Variants in CCDC14 observed in about 807,000 individuals in gnomAD.
CCDC14 encodes the protein coiled-coil domain-containing protein 14.
A neutral mutation model predicts 81.4 loss-of-function variants in CCDC14; 71 were observed. That is an observed-to-expected ratio of 0.87 (90% CI 0.72 to 1.06). CCDC14 has a LOEUF of 1.06. CCDC14 is among the 50% of genes least tolerant of loss of function. The pLI is 0.00. For synonymous variants in CCDC14, 332 were observed against 364.8 expected (o/e 0.91, Z 1.03); for missense variants, 1,046 against 1,047.3 (o/e 1.00, Z 0.02).
At chr3:123,938,113 T>C (rs1483460524) in intron 9 of CCDC14, among the ~76,000 whole-genome samples, 4 of 151,848 alleles carry the variant, frequency 2.6e-5, no homozygotes, top group African/African-American at 9.7e-5. Context: ...TTGGGTACTT[T>C]AGAGTCTTCA....
At chr3:123,896,671 TA>T, downstream of CCDC14, among the ~76,000 whole-genome samples, 1 of 152,178 alleles carries the variant, frequency 6.6e-6, no homozygotes, top group Middle Eastern at 3.4e-3. Context: ...AAATCTTTTT[TA>T]AAAAAGATCA....
intron 11 of CCDC14, 30 bp from the exon 12 acceptor site, chr3:123,931,264 T>A: frequency 1.3e-6 from 2 of 1,588,342 alleles, no homozygotes; most frequent in Middle Eastern, 3.4e-4. Flanking sequence ...AGTTTCCTTA[T>A]TCCTTTTAAA....
chr3:123,891,594 A>G, the CCDC14 span, among the ~76,000 whole-genome samples: 5 of 152,226 alleles, frequency 3.3e-5, no homozygotes, highest in Non-Finnish European at 5.9e-5. Flanking sequence ...TCCAGTTCCC[A>G]ACAAGTTCCT....
At position 123,956,386 on chromosome 3, in the gene CCDC14, C is replaced by G. The variant is rs954750074; in HGVS notation, c.128G>C (p.Gly43Ala). 2.6e-6 allele frequency: 4 copies of G among 1,547,656 alleles called. No individual in the cohort carries two copies. Among genetic ancestry groups the G allele is most frequent in the Non-Finnish European group, 2.6e-6 (3 of 1,144,780 alleles). The stretch of plus-strand genomic sequence containing the variant: ...TTCTGAATCAGAATGGATGGAATAG[C>G]CAGAATCTGCATTAAAACGTGGTAT... ...RKIPRFNADS[G>A]YSIHSDSESQ... Residue 43 changes from glycine to alanine, a missense_variant, in exon 3 of 13, where the codon GGC (glycine) becomes GCC (alanine). Coordinates refer to ENST00000409697, the MANE Select transcript of CCDC14 (RefSeq NM_001366335.1).
At chr3:123,887,902 C>G in the CCDC14 span, among the ~76,000 whole-genome samples, 1 of 151,970 alleles carries the variant, frequency 6.6e-6, no homozygotes, top group Admixed American at 6.6e-5. Flanking sequence ...TTGTCACTTT[C>G]CCTTAAATCT....
intron 5 of CCDC14, among the ~76,000 whole-genome samples, chr3:123,898,691 G>A (rs563476025): frequency 2.0e-5 from 3 of 151,994 alleles, no homozygotes; most frequent in South Asian, 4.2e-4. Context: ...ATCCCAGTAC[G>A]TTTTCTTTTT....
intron 12 of CCDC14, 117 bp downstream of exon 12, chr3:123,930,985 T>C (rs985143917): frequency 1.5e-5 from 13 of 872,158 alleles, no homozygotes; most frequent in Admixed American, 1.4e-4. Flanking sequence ...AGCAAAAACA[T>C]TGGCAAAATA....
chr3:123,932,428 C>T (rs2682246), intron 10 of CCDC14, among the ~76,000 whole-genome samples: 124,092 of 152,056 alleles, frequency 0.82, 51,172 homozygotes, highest in African/African-American at 0.93. Flanking sequence ...TTCTGTTGGG[C>T]AATCATATTT....
At chr3:123,951,477 T>C (rs915952854) in intron 5 of CCDC14, among the ~76,000 whole-genome samples, 2 of 152,234 alleles carry the variant, frequency 1.3e-5, no homozygotes, top group African/African-American at 2.4e-5. Context: ...AGAAATACAA[T>C]TTTATAATAA....
chr3:123,901,225 T>C (rs1256777791), intron 5 of CCDC14, among the ~76,000 whole-genome samples: 4 of 148,178 alleles, frequency 2.7e-5, no homozygotes, highest in Non-Finnish European at 4.5e-5. Context: ...AGAGAGAAGC[T>C]CCATCTCAAA....
chr3:123,915,398 C>T lies in CCDC14; in HGVS notation c.2099G>A (p.Gly700Glu). The T allele has an allele frequency of 6.2e-7, 1 of 1,613,708 alleles. No homozygotes were observed. Among genetic ancestry groups the T allele is most frequent in the Non-Finnish European group, 8.5e-7 (1 of 1,179,778 alleles). The change falls in exon 13 of 13, where the codon GGA (glycine) becomes GAA (glutamate). Residue 700 changes from glycine to glutamate, a missense_variant. Coordinates refer to ENST00000409697, the MANE Select transcript of CCDC14 (RefSeq NM_001366335.1). ...CTGTTTTGAAAGGGCAGAAATAATT[C>T]CAGGTGCAGATGCTTCCTCCATGCC... Reference protein sequence around the residue: ...TRGMEEASAPGIISALSKQDS... With the variant: ...TRGMEEASAPEIISALSKQDS...
chr3:123,957,674 A>G, intron 1 of CCDC14: 1 of 152,136 alleles, frequency 6.6e-6, no homozygotes, highest in African/African-American at 2.4e-5. Context: ...GAGTTATGCC[A>G]GAAACAGTTA....
At chr3:123,947,818 G>A (rs907110399) in intron 7 of CCDC14, among the ~76,000 whole-genome samples, 1 of 151,744 alleles carries the variant, frequency 6.6e-6, no homozygotes, top group Non-Finnish European at 1.5e-5. Flanking sequence ...TTAAAAACTT[G>A]CTTATTAATA....
At chr3:123,897,140 G>C (rs1443489025), downstream of CCDC14, among the ~76,000 whole-genome samples, 6 of 151,982 alleles carry the variant, frequency 3.9e-5, no homozygotes, top group Non-Finnish European at 8.8e-5. Flanking sequence ...TCTGAAAAAA[G>C]TTTAAATTAA....
At chr3:123,944,667 G>C (rs1453360299) in intron 9 of CCDC14, among the ~76,000 whole-genome samples, 182 bp downstream of exon 9, 3 of 152,138 alleles carry the variant, frequency 2.0e-5, no homozygotes, top group African/African-American at 7.2e-5. Flanking sequence ...ATACATACAA[G>C]TGGGCAGAAG....
At chr3:123,957,517 C>T (rs1258545555) in intron 1 of CCDC14, 1 of 152,108 alleles carries the variant, frequency 6.6e-6, no homozygotes. Flanking sequence ...ATCTACATCT[C>T]ACTGTCTTAA....
At chr3:123,937,328 C>T (rs1577288288) in intron 9 of CCDC14, among the ~76,000 whole-genome samples, 1 of 151,980 alleles carries the variant, frequency 6.6e-6, no homozygotes, top group African/African-American at 2.4e-5. Flanking sequence ...CTTCACATCC[C>T]AACATTTATT....
chr3:123,941,758 C>T (rs897047646), intron 9 of CCDC14, among the ~76,000 whole-genome samples: 3 of 151,956 alleles, frequency 2.0e-5, no homozygotes, highest in Non-Finnish European at 2.9e-5. Context: ...AGACATCAAA[C>T]AAATACCTTT....
At chr3:123,951,729 TCA>T (rs766935725) in intron 5 of CCDC14, among the ~76,000 whole-genome samples, 2 of 152,238 alleles carry the variant, frequency 1.3e-5, no homozygotes, top group Non-Finnish European at 2.9e-5. Flanking sequence ...GGCGTGGTTT[TCA>T]CAGTTTCTAA....
Sources: gnomAD v4.1 joint callset for allele counts (sites outside exome capture counted in the v4.1 genomes callset) on GRCh38, gnomAD v4.1.1 for gene constraint, MANE v1.5 for transcripts, NCBI Gene and HGNC (gene_info 2026-07-23, HGNC 2026-07-21) for gene names.